SLC5A11: variants seen among roughly 807,000 people sequenced by gnomAD.
SLC5A11 encodes the protein solute carrier family 5 member 11.
A neutral mutation model predicts 69.8 loss-of-function variants in SLC5A11; 48 were observed. The ratio of observed to expected loss-of-function variants is 0.69; its 90% confidence interval spans 0.55 to 0.87. The LOEUF (loss-of-function observed/expected upper bound fraction) is 0.87. Ranked by LOEUF, SLC5A11 falls within the 40% of genes least tolerant of loss-of-function variation. The pLI, the probability that SLC5A11 is intolerant of heterozygous loss-of-function variation, is 0.00. For synonymous variants in SLC5A11, 319 were observed against 342.4 expected, an observed-to-expected ratio of 0.93 and a Z score of 0.75; for missense variants, 784 against 866.1, an observed-to-expected ratio of 0.91 and a Z score of 1.19.
chr16:24,873,039 C>A (rs1344220835), intron 5 of SLC5A11, among the ~76,000 whole-genome samples: 1 of 127,082 alleles, frequency 7.9e-6, no homozygotes, highest in African/African-American at 3.0e-5. Flanking sequence ...ACTCGGGAGG[C>A]TGAAGTGGGA....
chr16:24,864,231 C>T (rs1567590389), intron 3 of SLC5A11, among the ~76,000 whole-genome samples: 1 of 152,162 alleles, frequency 6.6e-6, no homozygotes, highest in Admixed American at 6.5e-5. Context: ...AAGCTCTTGC[C>T]TCTGGCTGAC....
At chr16:24,876,999 G>A in intron 6 of SLC5A11, 1 of 1,104,398 alleles carries the variant, frequency 9.1e-7, no homozygotes, top group Non-Finnish European at 1.2e-6. Flanking sequence ...AGGTTGCAGT[G>A]TGGAAGATGG....
At chr16:24,891,484 A>T (rs972633120) in intron 9 of SLC5A11, among the ~76,000 whole-genome samples, 1 of 151,204 alleles carries the variant, frequency 6.6e-6, no homozygotes, top group Non-Finnish European at 1.5e-5. Context: ...CCAGCTATTT[A>T]TTATTATTAT....
intron 5 of SLC5A11, among the ~76,000 whole-genome samples, chr16:24,873,668 A>C (rs916286999): frequency 1.3e-5 from 2 of 151,424 alleles, no homozygotes; most frequent in Non-Finnish European, 2.9e-5. Flanking sequence ...GTCTCTAAAA[A>C]AGAAAAATCA....
intron 7 of SLC5A11, 80 bp from the exon 9 acceptor site, chr16:24,883,971 C>A: frequency 2.2e-6 from 3 of 1,349,878 alleles, no homozygotes; most frequent in Non-Finnish European, 3.1e-6. Flanking sequence ...GGGTCCTGGC[C>A]TTCCAGGTTC....
chr16:24,887,447 A>G (rs1239741347), intron 8 of SLC5A11, among the ~76,000 whole-genome samples: 1 of 152,196 alleles, frequency 6.6e-6, no homozygotes, highest in Non-Finnish European at 1.5e-5. Context: ...TAGATTTCCC[A>G]TCAAATAGGA....
exon 7 of SLC5A11, chr16:24,877,342 A>C: frequency 6.2e-7 from 1 of 1,613,908 alleles, no homozygotes; most frequent in Non-Finnish European, 8.5e-7. Flanking sequence ...ACTGGCCATC[A>C]CTGCTGTATA....
chr16:24,858,726 A>T, exon 2 of SLC5A11: 1 of 1,611,954 alleles, frequency 6.2e-7, no homozygotes, highest in African/African-American at 1.3e-5. Flanking sequence ...GAGCCTGGGG[A>T]CATCGCGGTG....
chr16:24,848,734 G>A (rs2059136246), intron 1 of SLC5A11, among the ~76,000 whole-genome samples: 1 of 152,100 alleles, frequency 6.6e-6, no homozygotes, highest in Non-Finnish European at 1.5e-5. Flanking sequence ...GAGCTCTGAT[G>A]GCACCATTGC....
At chr16:24,910,266 A>T in intron 14 of SLC5A11, 40 bp from the exon 16 acceptor site, 1 of 1,602,046 alleles carries the variant, frequency 6.2e-7, no homozygotes, top group Non-Finnish European at 8.5e-7. Context: ...CCCCGGCCCC[A>T]CCTCCACCAC....
chr16:24,869,163 C>G (rs1044500344), intron 3 of SLC5A11, among the ~76,000 whole-genome samples: 2 of 152,002 alleles, frequency 1.3e-5, no homozygotes, highest in Admixed American at 1.3e-4. Flanking sequence ...CCAGAGCGCC[C>G]GGCTGGACCT....
At chr16:24,857,823 T>A (rs1046982614) in intron 1 of SLC5A11, among the ~76,000 whole-genome samples, 1 of 152,270 alleles carries the variant, frequency 6.6e-6, no homozygotes, top group African/African-American at 2.4e-5. Context: ...TCCTTTGATA[T>A]GTAACAACAT....
intron 3 of SLC5A11, among the ~76,000 whole-genome samples, chr16:24,865,872 C>T (rs2046886828): frequency 6.6e-6 from 1 of 151,360 alleles, no homozygotes; most frequent in Non-Finnish European, 1.5e-5. Flanking sequence ...GTAAATATAA[C>T]ATACAGTATA....
intron 12 of SLC5A11, among the ~76,000 whole-genome samples, 158 bp from the exon 14 acceptor site, chr16:24,907,805 G>A (rs908145989): frequency 6.6e-6 from 1 of 152,158 alleles, no homozygotes; most frequent in Non-Finnish European, 1.5e-5. Context: ...AGGATCACTT[G>A]AGCCCAGGAG....
intron 3 of SLC5A11, among the ~76,000 whole-genome samples, chr16:24,865,694 T>C (rs2046875784): frequency 6.6e-6 from 1 of 152,144 alleles, no homozygotes; most frequent in Admixed American, 6.6e-5. Context: ...GGGGGAAATG[T>C]ATACATTCCT....
At chr16:24,874,801 T>TG (rs1251972188) in intron 5 of SLC5A11, among the ~76,000 whole-genome samples, 1 of 152,060 alleles carries the variant, frequency 6.6e-6, no homozygotes, top group Non-Finnish European at 1.5e-5. Context: ...AGGCTGGTGT[T>TG]GAACTCTTGA....
chr16:24,848,445 C>CA (rs2059124359), intron 1 of SLC5A11, among the ~76,000 whole-genome samples: 1 of 151,994 alleles, frequency 6.6e-6, no homozygotes, highest in Non-Finnish European at 1.5e-5. Context: ...CCCGTCTCTA[C>CA]AAAAAAATTA....
At chr16:24,898,653 G>A (rs2049362214) in intron 10 of SLC5A11, among the ~76,000 whole-genome samples, 1 of 151,916 alleles carries the variant, frequency 6.6e-6, no homozygotes, top group Non-Finnish European at 1.5e-5. Context: ...TGAGTAGCTG[G>A]GACTACAGGT....
At chr16:24,908,164 C>T in intron 13 of SLC5A11, 33 bp downstream of exon 14, 2 of 1,539,178 alleles carry the variant, frequency 1.3e-6, no homozygotes, top group Non-Finnish European at 1.7e-6. Flanking sequence ...ATGCCAGAAC[C>T]AAGTGCTGCC....
Sources: allele counts gnomAD v4.1 joint callset (sites outside exome capture counted in the v4.1 genomes callset), GRCh38; gene constraint gnomAD v4.1.1; transcripts MANE v1.5; gene names NCBI Gene and HGNC (gene_info 2026-07-23, HGNC 2026-07-21).